DCC: variants seen among roughly 807,000 people sequenced by gnomAD.
The protein encoded by DCC is netrin receptor DCC.
Under a neutral mutation model 172.5 loss-of-function variants are expected in DCC, and 58 were observed. That is an observed-to-expected ratio of 0.34 (90% CI 0.27 to 0.42). The LOEUF is 0.42. Ranked by LOEUF, DCC falls within the 10% of genes least tolerant of loss-of-function variation. The pLI is 1.00. For missense variants in DCC, 1,740 were observed against 1,791.0 expected, an observed-to-expected ratio of 0.97 and a Z score of 0.51; for synonymous variants, 709 against 644.5, an observed-to-expected ratio of 1.10 and a Z score of -1.52.
intron 5 of DCC, among the ~76,000 whole-genome samples, chr18:52,989,602 CATTTT>C (rs1218659770): frequency 6.6e-6 from 1 of 152,158 alleles, no homozygotes; most frequent in African/African-American, 2.4e-5. Flanking sequence ...CACCTTGCCT[CATTTT>C]CTTTTCTTGA....
chr18:52,810,214 A>G (rs2038167791), intron 2 of DCC, among the ~76,000 whole-genome samples: 1 of 152,216 alleles, frequency 6.6e-6, no homozygotes, highest in Non-Finnish European at 1.5e-5. Flanking sequence ...ACTTCTAAAG[A>G]CAGGAGGAAG....
intron 24 of DCC, among the ~76,000 whole-genome samples, chr18:53,461,189 T>C (rs888928977): frequency 2.6e-5 from 4 of 152,164 alleles, no homozygotes; most frequent in Admixed American, 6.5e-5. Flanking sequence ...TAGCCCTTTG[T>C]CAGATGAGTA....
At chr18:53,078,093 A>G (rs1445081289) in intron 7 of DCC, among the ~76,000 whole-genome samples, 1 of 152,198 alleles carries the variant, frequency 6.6e-6, no homozygotes, top group Non-Finnish European at 1.5e-5. Flanking sequence ...GCAATGCTAT[A>G]TTCATTATTC....
intron 17 of DCC, among the ~76,000 whole-genome samples, chr18:53,392,537 T>C (rs1197228867): frequency 6.6e-6 from 1 of 152,096 alleles, no homozygotes; most frequent in Non-Finnish European, 1.5e-5. Flanking sequence ...GAGACAGTCA[T>C]TACCAGTTTC....
At chr18:52,819,354 T>C (rs1265920310) in intron 2 of DCC, among the ~76,000 whole-genome samples, 1 of 152,234 alleles carries the variant, frequency 6.6e-6, no homozygotes, top group Non-Finnish European at 1.5e-5. Context: ...AGATTGTGCC[T>C]AAAAGTTTTT....
intron 1 of DCC, among the ~76,000 whole-genome samples, chr18:52,507,713 T>C (rs1385925018): frequency 2.0e-5 from 3 of 152,220 alleles, no homozygotes; most frequent in Non-Finnish European, 2.9e-5. Flanking sequence ...GATCAAAATC[T>C]ACCATTTCTA....
intron 12 of DCC, among the ~76,000 whole-genome samples, chr18:53,239,693 A>G (rs549203433): frequency 1.8e-4 from 27 of 152,302 alleles, no homozygotes; most frequent in African/African-American, 6.5e-4. Context: ...AATGTTTTGA[A>G]TGCTTAATAT....
In DCC at chr18:52,362,507, T is replaced by C. The variant is rs191706765; in HGVS notation, c.91+21629T>C. On this transcript the variant is annotated intron_variant, in intron 1 of 28. Transcript: ENST00000442544. ...CATCAAGTAATCTTTCATAAGTTTG[T>C]AAGGGGAAGATAAGGGAGGGTTATA... 7.0e-4 allele frequency among the ~76,000 whole-genome samples: 106 copies of C among 152,332 alleles called. 1 individual carries two copies. The highest frequency in any genetic ancestry group is 1.4e-3 in the Admixed American group (22 of 15,298).
chr18:53,100,197 C>T (rs909086309), intron 7 of DCC, among the ~76,000 whole-genome samples: 1 of 151,932 alleles, frequency 6.6e-6, no homozygotes, highest in Non-Finnish European at 1.5e-5. Flanking sequence ...ATCCACCTAC[C>T]TCAGACTCCC....
intron 1 of DCC, among the ~76,000 whole-genome samples, chr18:52,592,413 G>A (rs2033820013): frequency 6.6e-6 from 1 of 152,152 alleles, no homozygotes; most frequent in South Asian, 2.1e-4. Flanking sequence ...GTATCACCCA[G>A]GTGAGCCATG....
At chr18:52,839,001 C>G (rs1167360314) in intron 2 of DCC, among the ~76,000 whole-genome samples, 2 of 151,916 alleles carry the variant, frequency 1.3e-5, no homozygotes, top group Non-Finnish European at 2.9e-5. Context: ...TAGAAGATAA[C>G]AAATTTACCT....
intron 1 of DCC, among the ~76,000 whole-genome samples, chr18:52,608,540 G>T (rs568791332): frequency 1.3e-5 from 2 of 152,170 alleles, no homozygotes; most frequent in African/African-American, 2.4e-5. Context: ...TGTGAGTAAA[G>T]ATATAGTAGT....
intron 1 of DCC, among the ~76,000 whole-genome samples, chr18:52,618,007 G>T (rs1598961274): frequency 1.3e-5 from 2 of 152,194 alleles, no homozygotes; most frequent in African/African-American, 4.8e-5. Flanking sequence ...TCCATGCAGG[G>T]TATTGGACAA....
rs774405939 is a variant in DCC at position 53,063,333 on chromosome 18, C to A, written c.1014C>A (p.Ser338=). The A allele has an allele frequency of 8.4e-5, 136 of 1,612,898 alleles. No homozygotes were observed. The highest frequency in any genetic ancestry group is 1.1e-4 in the Non-Finnish European group (127 of 1,179,390). The change falls in exon 6 of 29, where the codon TCC becomes TCA. Residue 338 remains serine (S), a synonymous_variant. Transcript: ENST00000442544. ...LVPPWFLNHP[S]NLYAYESMDI... is the part of the protein sequence containing the mutation. ...CGCCATGGTTTTTAAATCATCCTTC[C>A]AACCTGTATGCCTATGAAAGCATGG... is the stretch of plus-strand genomic sequence containing the variant.
chr18:52,618,833 A>G (rs1327314103), intron 1 of DCC, among the ~76,000 whole-genome samples: 1 of 152,194 alleles, frequency 6.6e-6, no homozygotes, highest in Non-Finnish European at 1.5e-5. Flanking sequence ...AATTTCTTAG[A>G]TAGCTTCTAT....
intron 5 of DCC, among the ~76,000 whole-genome samples, chr18:52,955,405 A>C (rs2040726416): frequency 6.6e-6 from 1 of 152,010 alleles, no homozygotes; most frequent in African/African-American, 2.4e-5. Flanking sequence ...GCACCAAATA[A>C]TATTCCACTG....
chr18:52,377,617 C>T (rs1985402879), intron 1 of DCC, among the ~76,000 whole-genome samples: 2 of 146,542 alleles, frequency 1.4e-5, no homozygotes, highest in Admixed American at 6.8e-5. Flanking sequence ...TCTTTGCCAC[C>T]CATTGCAACA....
At chr18:52,459,122 G>A (rs943894965) in intron 1 of DCC, among the ~76,000 whole-genome samples, 2 of 151,998 alleles carry the variant, frequency 1.3e-5, no homozygotes, top group African/African-American at 4.8e-5. Context: ...TCTACCCACA[G>A]AATTCTCTGA....
intron 2 of DCC, among the ~76,000 whole-genome samples, chr18:52,893,561 T>G (rs1169298286): frequency 6.6e-6 from 1 of 152,180 alleles, no homozygotes; most frequent in Non-Finnish European, 1.5e-5. Flanking sequence ...TCTTTGTTTA[T>G]GAAAATCCTT....
Sources: gnomAD v4.1 joint callset for allele counts (sites outside exome capture counted in the v4.1 genomes callset) on GRCh38, gnomAD v4.1.1 for gene constraint, MANE v1.5 for transcripts, NCBI Gene and HGNC (gene_info 2026-07-23, HGNC 2026-07-21) for gene names.